The following PAK5 variants were observed in gnomAD, a reference collection of about 807,000 sequenced individuals.
PAK5 encodes p21 (RAC1) activated kinase 5, also known as serine/threonine-protein kinase PAK 5.
PAK5 carries 16 observed loss-of-function variants against 65.9 expected under a neutral mutation model. The observed-to-expected ratio is 0.24, with a 90% CI of 0.16 to 0.37. The LOEUF (loss-of-function observed/expected upper bound fraction) is 0.37. Ranked by LOEUF, PAK5 falls within the 10% of genes least tolerant of loss-of-function variation. The pLI, the probability that PAK5 is intolerant of heterozygous loss-of-function variation, is 1.00. For synonymous variants in PAK5, 371 were observed against 354.9 expected (o/e 1.05, Z -0.51); for missense variants, 785 against 903.9 (o/e 0.87, Z 1.69).
intron 1 of PAK5, among the ~76,000 whole-genome samples, chr20:9,798,413 G>T (rs184632034): frequency 6.6e-6 from 1 of 152,172 alleles, no homozygotes; most frequent in Non-Finnish European, 1.5e-5. Flanking sequence ...CAAAGTACAG[G>T]GTTGGCCTTT....
intron 2 of PAK5, among the ~76,000 whole-genome samples, chr20:9,657,198 C>T (rs2047280164): frequency 6.6e-6 from 1 of 152,134 alleles, no homozygotes; most frequent in African/African-American, 2.4e-5. Flanking sequence ...TTTCTATCTC[C>T]ACAAATATAT....
At chr20:9,677,276 C>T (rs1416210525) in intron 2 of PAK5, among the ~76,000 whole-genome samples, 1 of 152,180 alleles carries the variant, frequency 6.6e-6, no homozygotes, top group African/African-American at 2.4e-5. Context: ...TAATAGGATG[C>T]ATCACATTCA....
At chr20:9,600,086 C>T (rs6056739) in intron 3 of PAK5, among the ~76,000 whole-genome samples, 24,653 of 152,010 alleles carry the variant, frequency 0.16, 2,328 homozygotes, top group East Asian at 0.3. Flanking sequence ...GTTCTCCCGG[C>T]GTTATTTGTT....
rs1303592504 is a variant in PAK5, at chr20:9,566,019, A to G, written c.1356T>C (p.Phe452=). 3 of 1,612,376 alleles carry G rather than the reference A, an allele frequency of 1.9e-6. No homozygotes were observed. Among genetic ancestry groups the G allele is most frequent in the South Asian group, 1.1e-5 (1 of 91,006 alleles). Reference sequence around the variant, plus strand: ...CGGTTGAGCCTTCCCCGATTTTGATAAAGTTGGCCAAGTATTCCCTGGGGT... The same window carrying G: ...CGGTTGAGCCTTCCCCGATTTTGATGAAGTTGGCCAAGTATTCCCTGGGGT... The part of the protein sequence containing the change: ...PGDPREYLAN[F]IKIGEGSTGI... Residue 452 remains phenylalanine (F), a synonymous_variant, in exon 5 of 10, where the codon TTT becomes TTC. Coordinates refer to ENST00000353224, the MANE Select transcript of PAK5 (RefSeq NM_177990.4).
intron 1 of PAK5, among the ~76,000 whole-genome samples, chr20:9,767,236 A>C (rs878983923): frequency 6.6e-6 from 1 of 152,202 alleles, no homozygotes. Flanking sequence ...GCATGGAGGA[A>C]AATTTTGAAA....
intron 5 of PAK5, among the ~76,000 whole-genome samples, chr20:9,564,102 C>T (rs2045634665): frequency 6.6e-6 from 1 of 152,194 alleles, no homozygotes; most frequent in African/African-American, 2.4e-5. Context: ...ACATCTAACA[C>T]TGATACCCTG....
intron 1 of PAK5, among the ~76,000 whole-genome samples, chr20:9,730,571 C>T (rs2423446): frequency 0.49 from 74,924 of 152,024 alleles, 18,566 homozygotes; most frequent in South Asian, 0.63. Context: ...TGCACGCTTA[C>T]GAGTGTCTCA....
At chr20:9,782,507 A>G (rs1434833609) in intron 1 of PAK5, among the ~76,000 whole-genome samples, 1 of 152,168 alleles carries the variant, frequency 6.6e-6, no homozygotes. Flanking sequence ...ATATAAAAAT[A>G]TGTGTACCTT....
intron 1 of PAK5, among the ~76,000 whole-genome samples, chr20:9,778,721 G>A (rs1044146048): frequency 4.6e-5 from 7 of 152,152 alleles, no homozygotes; most frequent in African/African-American, 1.7e-4. Flanking sequence ...TCTTTCCAGT[G>A]ATATGTTGGT....
chr20:9,742,329 G>A (rs1224252236), intron 1 of PAK5, among the ~76,000 whole-genome samples: 1 of 152,132 alleles, frequency 6.6e-6, no homozygotes, highest in Admixed American at 6.6e-5. Flanking sequence ...CCATACAAAG[G>A]TTAACTATGA....
intron 3 of PAK5, among the ~76,000 whole-genome samples, chr20:9,590,856 T>C (rs990412489): frequency 6.6e-6 from 1 of 152,210 alleles, no homozygotes; most frequent in African/African-American, 2.4e-5. Context: ...TGAGCTTTTC[T>C]GGAACAGCAA....
At chr20:9,676,662 C>G (rs2047576402) in intron 2 of PAK5, among the ~76,000 whole-genome samples, 1 of 152,052 alleles carries the variant, frequency 6.6e-6, no homozygotes, top group African/African-American at 2.4e-5. Flanking sequence ...AAAGGAAAGT[C>G]TTTAGGAGAA....
At chr20:9,601,806 CA>C (rs899869743) in intron 3 of PAK5, among the ~76,000 whole-genome samples, 1 of 151,548 alleles carries the variant, frequency 6.6e-6, no homozygotes. Context: ...GTTGCTGGTC[CA>C]AAAAAAATGC....
chr20:9,560,564 G>A (rs949125499), intron 6 of PAK5, among the ~76,000 whole-genome samples: 1 of 152,230 alleles, frequency 6.6e-6, no homozygotes, highest in East Asian at 1.9e-4. Context: ...GTCTCGCTAA[G>A]TTGCCCAGGC....
intron 2 of PAK5, among the ~76,000 whole-genome samples, chr20:9,656,665 A>G (rs1383613370): frequency 1.3e-5 from 2 of 152,138 alleles, no homozygotes; most frequent in Non-Finnish European, 2.9e-5. Flanking sequence ...AAATTACTTA[A>G]TCTCTTTATG....
At chr20:9,642,620 A>C (rs1195559957) in intron 3 of PAK5, among the ~76,000 whole-genome samples, 1 of 152,220 alleles carries the variant, frequency 6.6e-6, no homozygotes, top group Admixed American at 6.5e-5. Context: ...GATATGGTCC[A>C]CCTTATTATA....
intron 1 of PAK5, among the ~76,000 whole-genome samples, chr20:9,814,645 A>G (rs1034552850): frequency 1.2e-4 from 19 of 152,196 alleles, no homozygotes; most frequent in Admixed American, 1.0e-3. Context: ...ATACATACAT[A>G]AAAAATAAAT....
intron 3 of PAK5, among the ~76,000 whole-genome samples, chr20:9,642,791 C>A (rs535369381): frequency 6.6e-6 from 1 of 152,144 alleles, no homozygotes; most frequent in South Asian, 2.1e-4. Context: ...AAAGCTTTAT[C>A]TTCTCAAATA....
At chr20:9,603,922 T>TA (rs1330222907) in intron 3 of PAK5, among the ~76,000 whole-genome samples, 5 of 152,158 alleles carry the variant, frequency 3.3e-5, no homozygotes, top group Non-Finnish European at 7.4e-5. Flanking sequence ...GCTAACGTCA[T>TA]AAAAAAAGCT....
Sources: gnomAD v4.1 joint callset for allele counts (sites outside exome capture counted in the v4.1 genomes callset) on GRCh38, gnomAD v4.1.1 for gene constraint, MANE v1.5 for transcripts, NCBI Gene and HGNC (gene_info 2026-07-23, HGNC 2026-07-21) for gene names.